PLIN2: variants seen among roughly 807,000 people sequenced by gnomAD.
The protein encoded by PLIN2 is perilipin 2.
PLIN2 carries 33 observed loss-of-function variants against 30.6 expected under a neutral mutation model. The observed-to-expected ratio is 1.08, with a 90% confidence interval of 0.82 to 1.44. The LOEUF is 1.44. Among genes scored for constraint, PLIN2 ranks in the 40% most tolerant of loss-of-function variants. The pLI, the probability that PLIN2 is intolerant of heterozygous loss-of-function variation, is 0.00. For missense variants in PLIN2, 610 were observed against 531.8 expected, an observed-to-expected ratio of 1.15 and a Z score of -1.45; for synonymous variants, 205 against 201.1, an observed-to-expected ratio of 1.02 and a Z score of -0.16.
chr9:19,119,739 G>C lies in PLIN2; in HGVS notation c.688C>G (p.Arg230Gly). 1 of 1,611,996 alleles carries C rather than the reference G, an allele frequency of 6.2e-7. No homozygotes were observed. The highest frequency in any genetic ancestry group is 8.5e-7 in the Non-Finnish European group (1 of 1,178,378). The part of the protein sequence containing the change: ...LGSLSTKLHS[R>G]AYQQALSRVK... ...CTGCTGAGAGCCTGCTGGTAGGCACGGGAGTGAAGCTTGGTAGACAGGGAT... is the reference window on the plus strand; with the variant it reads ...CTGCTGAGAGCCTGCTGGTAGGCACCGGAGTGAAGCTTGGTAGACAGGGAT... The change falls in exon 6 of 8, where the codon CGT becomes GGT. Residue 230 changes from arginine to glycine, a missense_variant. Physicochemically the swap from Arg to Gly is moderately radical, Grantham distance 125. Coordinates refer to ENST00000276914, the MANE Select transcript of PLIN2 (RefSeq NM_001122.4).
chr9:19,113,141 G>C (rs1324531029), downstream of PLIN2, among the ~76,000 whole-genome samples: 1 of 151,962 alleles, frequency 6.6e-6, no homozygotes, highest in Non-Finnish European at 1.5e-5. Context: ...TCAGGAGTTC[G>C]AGACCAGCCT....
At chr9:19,112,901 C>T (rs893826254), downstream of PLIN2, among the ~76,000 whole-genome samples, 2 of 152,078 alleles carry the variant, frequency 1.3e-5, no homozygotes, top group Admixed American at 6.6e-5. Flanking sequence ...TATTCTGCCC[C>T]TGCTCAGGAA....
intron 6 of PLIN2, among the ~76,000 whole-genome samples, chr9:19,118,744 A>T (rs1276957739): frequency 6.6e-6 from 1 of 152,104 alleles, no homozygotes; most frequent in Non-Finnish European, 1.5e-5. Flanking sequence ...TTTGAGTGTC[A>T]CTCTGTCACC....
chr9:19,123,616 C>T lies in PLIN2; in HGVS notation c.258G>A (p.Gly86=), dbSNP rs1282549646. 6.2e-7 allele frequency: 1 copy of T among 1,614,028 alleles called. No individual in the cohort carries two copies. Among genetic ancestry groups the T allele is most frequent in the South Asian group, 1.1e-5 (1 of 91,082 alleles). Reference sequence around the variant, plus strand: ...GCAGTCTCTCCTCAATCCTGTCTAGCCCCTTACAGGCATAGGTATTGGCAA... The same window carrying T: ...GCAGTCTCTCCTCAATCCTGTCTAGTCCCTTACAGGCATAGGTATTGGCAA... The part of the protein sequence containing the change: ...IAVANTYACK[G]LDRIEERLPI... The change falls in exon 4 of 8, where the codon GGG becomes GGA. Residue 86 remains glycine, a synonymous_variant. Transcript: ENST00000276914.
chr9:19,110,785 A>G (rs773808350), downstream of PLIN2, among the ~76,000 whole-genome samples: 31 of 152,310 alleles, frequency 2.0e-4, no homozygotes, highest in Admixed American at 1.4e-3. Flanking sequence ...CAGCTCTACT[A>G]TCTTTTATAT....
At chr9:19,124,635 G>A (rs1362395759) in intron 3 of PLIN2, among the ~76,000 whole-genome samples, 1 of 152,156 alleles carries the variant, frequency 6.6e-6, no homozygotes, top group Non-Finnish European at 1.5e-5. Context: ...GTGTTGGTGG[G>A]AATGTAAAAT....
At chr9:19,117,614 A>G (rs1410956155) in intron 7 of PLIN2, among the ~76,000 whole-genome samples, 2 of 143,420 alleles carry the variant, frequency 1.4e-5, no homozygotes, top group Non-Finnish European at 3.1e-5. Flanking sequence ...GTCTTCCCAT[A>G]TGTTTTCTTT....
Position 19,121,575 on chromosome 9 carries a change from C to T in PLIN2, c.310-410G>A, listed in dbSNP as rs530594006. Reference sequence around the variant, plus strand: ...TTATATAGCTTATTCCAAAGTCACACAAATCCAGAGAGGAAACTGAAGATC... The same window carrying T: ...TTATATAGCTTATTCCAAAGTCACATAAATCCAGAGAGGAAACTGAAGATC... On this transcript the variant is annotated intron_variant, in intron 4 of 7. Transcript: ENST00000276914. 2.0e-5 allele frequency among the ~76,000 whole-genome samples: 3 copies of T among 150,682 alleles called. No individual in the cohort carries two copies. In the South Asian group the frequency reaches 6.3e-4, roughly 32 times the overall value.
chr9:19,111,550 C>A (rs571061785), downstream of PLIN2, among the ~76,000 whole-genome samples: 1 of 152,094 alleles, frequency 6.6e-6, no homozygotes, highest in Admixed American at 6.6e-5. Context: ...AAAAATACGA[C>A]CTGGGACTAG....
At chr9:19,123,159 T>A (rs568294366) in intron 4 of PLIN2, 15 of 574,132 alleles carry the variant, frequency 2.6e-5, no homozygotes, top group Non-Finnish European at 4.0e-5. Context: ...AAGCCTATCA[T>A]TTTTGTCAAC....
chr9:19,112,213 G>A (rs543106265), downstream of PLIN2, among the ~76,000 whole-genome samples: 52 of 152,218 alleles, frequency 3.4e-4, no homozygotes, highest in South Asian at 0.01. Context: ...TATCATTACA[G>A]GCAAAGGAAA....
chr9:19,126,725 T>G (rs187074954), intron 1 of PLIN2, among the ~76,000 whole-genome samples: 34 of 152,300 alleles, frequency 2.2e-4, no homozygotes, highest in African/African-American at 8.2e-4. Flanking sequence ...ACTTCTCTTG[T>G]TTCTCCGAGT....
chr9:19,115,564 C>T (rs1036467883), downstream of PLIN2, among the ~76,000 whole-genome samples: 1 of 152,144 alleles, frequency 6.6e-6, no homozygotes, highest in African/African-American at 2.4e-5. Context: ...ACCTCAGCCT[C>T]CCAAAGTGCT....
chr9:19,108,574 T>C (rs557303081), exon 3 of PLIN2: 8 of 152,582 alleles, frequency 5.2e-5, no homozygotes, highest in Non-Finnish European at 8.8e-5. Flanking sequence ...GTAATACAAA[T>C]TGCGTATTCA....
intron 4 of PLIN2, among the ~76,000 whole-genome samples, chr9:19,121,521 GAAAAA>G (rs977989418): frequency 3.2e-5 from 4 of 126,106 alleles, no homozygotes; most frequent in African/African-American, 9.2e-5. Flanking sequence ...GAAGAGAAAA[GAAAAA>G]AAAAGAAAAG....
chr9:19,117,949 A>G (rs1818256162), intron 7 of PLIN2, among the ~76,000 whole-genome samples: 1 of 152,072 alleles, frequency 6.6e-6, no homozygotes, highest in African/African-American at 2.4e-5. Flanking sequence ...TTAAACAACA[A>G]CCGGACTTGG....
At chr9:19,123,441 T>C in intron 4 of PLIN2, 124 bp downstream of exon 4, 4 of 1,559,476 alleles carry the variant, frequency 2.6e-6, no homozygotes, top group Non-Finnish European at 3.5e-6. Flanking sequence ...TTTTCAAACA[T>C]ACATCCAGAT....
chr9:19,116,722 G>T, intron 7 of PLIN2, 73 bp from the exon 8 acceptor site: 1 of 1,276,828 alleles, frequency 7.8e-7, no homozygotes, highest in Non-Finnish European at 1.1e-6. Context: ...ACAGTAGGCT[G>T]GTTATGTGTC....
intron 6 of PLIN2, among the ~76,000 whole-genome samples, chr9:19,118,881 C>T (rs577682284): frequency 6.6e-6 from 1 of 152,228 alleles, no homozygotes; most frequent in South Asian, 2.1e-4. Context: ...TTAGTAGAGA[C>T]AGGATTTCAC....
Sources: gnomAD v4.1 joint callset for allele counts (sites outside exome capture counted in the v4.1 genomes callset) on GRCh38, gnomAD v4.1.1 for gene constraint, MANE v1.5 for transcripts, NCBI Gene and HGNC (gene_info 2026-07-23, HGNC 2026-07-21) for gene names.